Variants in STPG4 observed in about 807,000 individuals in gnomAD.
STPG4 encodes protein STPG4.
STPG4 carries 41 observed loss-of-function variants against 31.5 expected under a neutral mutation model. The observed-to-expected ratio is 1.30, with a 90% confidence interval of 1.01 to 1.69. The LOEUF is 1.69. STPG4 is among the 40% of genes most tolerant of loss of function. The probability of loss-of-function intolerance (pLI) is 0.00; values close to 1 mark genes in which losing one functional copy is unlikely to be tolerated. For synonymous variants in STPG4, 141 were observed against 103.0 expected (o/e 1.37, Z -2.24); for missense variants, 375 against 293.4 (o/e 1.28, Z -2.03).
intron 5 of STPG4, among the ~76,000 whole-genome samples, chr2:47,091,124 G>T (rs1685561268): frequency 7.5e-6 from 1 of 132,564 alleles, no homozygotes; most frequent in African/African-American, 2.8e-5. Context: ...GAAAGGGAGG[G>T]AGAAAAGGAA....
intron 5 of STPG4, among the ~76,000 whole-genome samples, chr2:47,115,814 G>A (rs977832899): frequency 2.6e-5 from 4 of 152,102 alleles, no homozygotes; most frequent in African/African-American, 4.8e-5. Context: ...TGCCATGCAC[G>A]ACTAATTTTT....
intron 3 of STPG4, among the ~76,000 whole-genome samples, chr2:47,147,534 G>T (rs1234554376): frequency 3.3e-5 from 5 of 152,278 alleles, no homozygotes; most frequent in African/African-American, 1.2e-4. Context: ...ATTGTAGAGA[G>T]TTGAAATTCT....
chr2:47,087,966 G>T (rs539050907), intron 6 of STPG4, among the ~76,000 whole-genome samples: 213 of 152,108 alleles, frequency 1.4e-3, no homozygotes, highest in Non-Finnish European at 2.6e-3. Context: ...TGTTGCCCAG[G>T]TTGGTCTTGA....
At chr2:47,116,647 T>C (rs187610448) in intron 5 of STPG4, among the ~76,000 whole-genome samples, 22 of 152,342 alleles carry the variant, frequency 1.4e-4, no homozygotes, top group Admixed American at 1.4e-3. Flanking sequence ...TTTCTTTCTC[T>C]CAGATACCCT....
intron 5 of STPG4, among the ~76,000 whole-genome samples, chr2:47,090,676 G>A (rs1685553401): frequency 6.6e-6 from 1 of 152,116 alleles, no homozygotes; most frequent in Non-Finnish European, 1.5e-5. Context: ...CCACACTCAG[G>A]TCCCCCGTTC....
intron 5 of STPG4, among the ~76,000 whole-genome samples, chr2:47,099,538 T>C (rs998085394): frequency 7.2e-5 from 11 of 152,254 alleles, no homozygotes; most frequent in African/African-American, 2.7e-4. Flanking sequence ...TGGAAGGCCA[T>C]CTTTCTATTT....
At chr2:47,097,181 G>C (rs1013155506) in intron 5 of STPG4, among the ~76,000 whole-genome samples, 8 of 152,118 alleles carry the variant, frequency 5.3e-5, no homozygotes, top group African/African-American at 1.9e-4. Context: ...AAGTTGTTAA[G>C]ACAAATGAGA....
At chr2:47,094,914 C>T (rs1157319845) in intron 5 of STPG4, among the ~76,000 whole-genome samples, 1 of 152,214 alleles carries the variant, frequency 6.6e-6, no homozygotes, top group Non-Finnish European at 1.5e-5. Context: ...TTCCTGCCTG[C>T]ACACACTCCT....
chr2:47,128,766 T>G (rs1310562585), intron 5 of STPG4: 3 of 152,280 alleles, frequency 2.0e-5, no homozygotes, highest in Non-Finnish European at 4.4e-5. Context: ...AGGAGCCTGC[T>G]TGGTGCTCCA....
At chr2:47,136,799 T>C (rs79707118) in intron 3 of STPG4, among the ~76,000 whole-genome samples, 3,088 of 152,310 alleles carry the variant, frequency 0.02, 105 homozygotes, top group African/African-American at 0.069. Flanking sequence ...CTGGTATATA[T>C]ACCAGTATAT....
intron 5 of STPG4, chr2:47,108,576 G>T: frequency 5.8e-6 from 1 of 171,332 alleles, no homozygotes; most frequent in South Asian, 1.9e-4. Context: ...CACCAATTCC[G>T]GACACATTTT....
intron 5 of STPG4, among the ~76,000 whole-genome samples, chr2:47,125,022 C>T (rs1449505402): frequency 2.6e-5 from 4 of 152,166 alleles, no homozygotes; most frequent in African/African-American, 7.2e-5. Flanking sequence ...TGATGATTAA[C>T]GATGTTGAGC....
intron 5 of STPG4, among the ~76,000 whole-genome samples, chr2:47,116,355 G>T (rs2103761634): frequency 6.6e-6 from 1 of 152,304 alleles, no homozygotes; most frequent in East Asian, 1.9e-4. Flanking sequence ...AACATTCATT[G>T]TTGTAGAGTT....
At chr2:47,145,996 T>C (rs916483290) in intron 3 of STPG4, among the ~76,000 whole-genome samples, 2 of 152,160 alleles carry the variant, frequency 1.3e-5, no homozygotes, top group African/African-American at 4.8e-5. Flanking sequence ...CATCCAGATA[T>C]CTTGGATAAG....
intron 5 of STPG4, among the ~76,000 whole-genome samples, chr2:47,097,326 A>G (rs1473176640): frequency 6.6e-6 from 1 of 152,160 alleles, no homozygotes; most frequent in African/African-American, 2.4e-5. Flanking sequence ...CAGAAAGCGC[A>G]CACGTTCTAT....
intron 2 of STPG4, among the ~76,000 whole-genome samples, chr2:47,151,898 G>A (rs746836783): frequency 1.4e-5 from 2 of 142,276 alleles, no homozygotes; most frequent in Admixed American, 7.3e-5. Context: ...CAGCCACTAC[G>A]CCCGGCTAGT....
intron 3 of STPG4, among the ~76,000 whole-genome samples, chr2:47,142,907 G>A (rs560948858): frequency 2.6e-4 from 38 of 145,712 alleles, no homozygotes; most frequent in African/African-American, 8.4e-4. Flanking sequence ...GCAGTGGCGC[G>A]ATCTTGGCTC....
rs1425702369 is a variant in STPG4, at chr2:47,155,168, T to C, written c.81+3A>G. On this transcript the variant is annotated splice_donor_region_variant and intron_variant, in intron 1 of 6. Transcript: ENST00000445927. The stretch of plus-strand genomic sequence containing the variant: ...CAGGCCGGCAAGGGGCAGGCCATCT[T>C]ACCGAAGCTGTGATGAATGATTCTC... 6.2e-7 allele frequency: 1 copy of C among 1,613,904 alleles called. No individual in the cohort carries two copies. Among genetic ancestry groups the C allele is most frequent in the Non-Finnish European group, 8.5e-7 (1 of 1,179,968 alleles).
At chr2:47,103,873 G>T (rs561589000) in intron 5 of STPG4, among the ~76,000 whole-genome samples, 1 of 151,878 alleles carries the variant, frequency 6.6e-6, no homozygotes, top group East Asian at 1.9e-4. Context: ...CCTGGACACT[G>T]GCACAGCCTT....
Sources: gnomAD v4.1 joint callset for allele counts (sites outside exome capture counted in the v4.1 genomes callset) on GRCh38, gnomAD v4.1.1 for gene constraint, MANE v1.5 for transcripts, NCBI Gene and HGNC (gene_info 2026-07-23, HGNC 2026-07-21) for gene names.